The following MAML2 variants were observed in gnomAD, a reference collection of about 807,000 sequenced individuals.
The protein encoded by MAML2 is mastermind-like protein 2.
In MAML2, 22 loss-of-function variants were observed where a neutral mutation model predicts 96.1. The observed-to-expected ratio is 0.23, with a 90% CI of 0.16 to 0.33. MAML2 has a LOEUF of 0.33. MAML2 is among the 10% of genes least tolerant of loss of function. The probability of loss-of-function intolerance (pLI) is 1.00; values close to 1 mark genes in which losing one functional copy is unlikely to be tolerated. For missense variants in MAML2, 1,367 were observed against 1,392.4 expected, an observed-to-expected ratio of 0.98 and a Z score of 0.29; for synonymous variants, 561 against 521.3, an observed-to-expected ratio of 1.08 and a Z score of -1.04.
At chr11:96,035,343 GT>G (rs1858693973) in intron 2 of MAML2, among the ~76,000 whole-genome samples, 1 of 152,202 alleles carries the variant, frequency 6.6e-6, no homozygotes, top group South Asian at 2.1e-4. Flanking sequence ...TAAAAAAGTA[GT>G]GCGTGTTTTA....
At chr11:96,316,277 A>G (rs980483985) in intron 1 of MAML2, among the ~76,000 whole-genome samples, 1 of 152,212 alleles carries the variant, frequency 6.6e-6, no homozygotes, top group Non-Finnish European at 1.5e-5. Context: ...CTGCAGATAC[A>G]CAAATGAAAA....
intron 1 of MAML2, among the ~76,000 whole-genome samples, chr11:96,244,957 C>T (rs1862490542): frequency 6.6e-6 from 1 of 152,200 alleles, no homozygotes; most frequent in Admixed American, 6.5e-5. Context: ...ACAAAAGGAA[C>T]ATGCTGTATC....
intron 1 of MAML2, among the ~76,000 whole-genome samples, chr11:96,151,056 C>T (rs371100239): frequency 2.3e-4 from 35 of 152,354 alleles, no homozygotes; most frequent in African/African-American, 7.7e-4. Context: ...CTCTACTTAT[C>T]TCCCATCATT....
intron 2 of MAML2, among the ~76,000 whole-genome samples, chr11:96,054,769 T>C (rs1412261681): frequency 1.3e-5 from 2 of 152,184 alleles, no homozygotes; most frequent in African/African-American, 4.8e-5. Flanking sequence ...TCAGAAGATG[T>C]GCACTGATTC....
At chr11:96,080,584 A>G (rs1859515095) in intron 2 of MAML2, among the ~76,000 whole-genome samples, 1 of 152,172 alleles carries the variant, frequency 6.6e-6, no homozygotes, top group African/African-American at 2.4e-5. Context: ...TTGGGTCCAG[A>G]CTTCTTGTGT....
intron 1 of MAML2, among the ~76,000 whole-genome samples, chr11:96,283,224 C>T (rs940581765): frequency 6.6e-6 from 1 of 152,190 alleles, no homozygotes; most frequent in Non-Finnish European, 1.5e-5. Flanking sequence ...AAACTTTGTG[C>T]TCTCTACAGA....
intron 1 of MAML2, among the ~76,000 whole-genome samples, chr11:96,285,875 G>T (rs1025778598): frequency 1.4e-4 from 22 of 152,204 alleles, no homozygotes; most frequent in African/African-American, 5.3e-4. Context: ...TGCTGTTGGT[G>T]AGAATGTAAA....
chr11:96,267,835 C>G (rs1442661380), intron 1 of MAML2, among the ~76,000 whole-genome samples: 1 of 152,198 alleles, frequency 6.6e-6, no homozygotes, highest in East Asian at 1.9e-4. Context: ...GAAGCTGAAT[C>G]TGAATCTGGG....
intron 1 of MAML2, among the ~76,000 whole-genome samples, chr11:96,235,070 G>T (rs1260352535): frequency 6.6e-6 from 1 of 152,128 alleles, no homozygotes; most frequent in African/African-American, 2.4e-5. Flanking sequence ...AGTTTTGCCT[G>T]AGTCAGAGCA....
intron 2 of MAML2, among the ~76,000 whole-genome samples, chr11:96,085,083 T>G (rs1859587623): frequency 6.6e-6 from 1 of 152,188 alleles, no homozygotes; most frequent in South Asian, 2.1e-4. Flanking sequence ...AGGCACCACT[T>G]TATTGTTCAG....
chr11:96,172,581 T>C (rs897615932), intron 1 of MAML2, among the ~76,000 whole-genome samples: 17 of 152,236 alleles, frequency 1.1e-4, no homozygotes, highest in Non-Finnish European at 1.9e-4. Flanking sequence ...TCTGCAGCCA[T>C]GCATTTTTGT....
intron 1 of MAML2, among the ~76,000 whole-genome samples, chr11:96,317,016 T>G (rs1409765870): frequency 6.6e-6 from 1 of 152,208 alleles, no homozygotes; most frequent in Non-Finnish European, 1.5e-5. Context: ...ACTCAGTGTC[T>G]TGGCGCTCAT....
intron 3 of MAML2, among the ~76,000 whole-genome samples, chr11:95,986,592 T>C (rs1227971665): frequency 6.6e-6 from 1 of 152,168 alleles, no homozygotes; most frequent in Non-Finnish European, 1.5e-5. Flanking sequence ...ATATGAATTT[T>C]ATCTCTTTTT....
chr11:96,154,222 C>T (rs914283355), intron 1 of MAML2, among the ~76,000 whole-genome samples: 2 of 152,122 alleles, frequency 1.3e-5, no homozygotes, highest in Non-Finnish European at 2.9e-5. Flanking sequence ...CAGTAGGTCT[C>T]GGGTGGGGCC....
rs185466285 is a variant in MAML2, at chr11:96,188,917, A to C, written c.514-95400T>G. On this transcript the variant is annotated intron_variant, in intron 1 of 4. Transcript: ENST00000524717. The stretch of plus-strand genomic sequence containing the variant: ...GTGCATTTGTTCAACATTAAAAAAA[A>C]AATTCTGCTAAACAAATAAGCAAAA... 2.0e-5 allele frequency among the ~76,000 whole-genome samples: 3 copies of C among 152,298 alleles called. No homozygotes were observed. The East Asian group carries it at 5.8e-4, about 29-fold the overall frequency.
At chr11:96,059,716 C>G (rs528683545) in intron 2 of MAML2, among the ~76,000 whole-genome samples, 2 of 152,062 alleles carry the variant, frequency 1.3e-5, no homozygotes, top group Non-Finnish European at 2.9e-5. Context: ...AACATCATGT[C>G]GGCACTCAAA....
intron 2 of MAML2, among the ~76,000 whole-genome samples, chr11:96,071,457 G>A (rs764758446): frequency 1.1e-4 from 16 of 152,228 alleles, no homozygotes; most frequent in Admixed American, 1.3e-4. Flanking sequence ...TTGGCCAGTC[G>A]GCCCACAGTG....
intron 1 of MAML2, among the ~76,000 whole-genome samples, chr11:96,281,119 G>A (rs1863057880): frequency 6.6e-6 from 1 of 152,184 alleles, no homozygotes; most frequent in Non-Finnish European, 1.5e-5. Context: ...CTTTTAAAAT[G>A]TATCAAAAGA....
intron 1 of MAML2, among the ~76,000 whole-genome samples, chr11:96,127,104 G>A (rs1860453069): frequency 6.6e-6 from 1 of 150,938 alleles, no homozygotes; most frequent in Admixed American, 6.7e-5. Context: ...CTTGAAAGGT[G>A]CAGAGTGTTG....
Sources: allele counts gnomAD v4.1 joint callset (sites outside exome capture counted in the v4.1 genomes callset), GRCh38; gene constraint gnomAD v4.1.1; transcripts MANE v1.5; gene names NCBI Gene and HGNC (gene_info 2026-07-23, HGNC 2026-07-21).